SUCLG2: variants seen among roughly 807,000 people sequenced by gnomAD.
The protein encoded by SUCLG2 is succinate-CoA ligase GDP-forming subunit beta, also known as succinate--CoA ligase [GDP-forming] subunit beta, mitochondrial.
A neutral mutation model predicts 47.9 loss-of-function variants in SUCLG2; 42 were observed. The ratio of observed to expected loss-of-function variants is 0.88; its 90% CI spans 0.69 to 1.14. The LOEUF is 1.14. SUCLG2 is among the 50% of genes most tolerant of loss of function. The pLI is 0.00. For synonymous variants in SUCLG2, 195 were observed against 197.3 expected (o/e 0.99, Z 0.10); for missense variants, 571 against 525.9 (o/e 1.09, Z -0.84).
At chr3:67,420,705 T>C (rs1482718029) in intron 9 of SUCLG2, among the ~76,000 whole-genome samples, 3 of 151,740 alleles carry the variant, frequency 2.0e-5, no homozygotes, top group Non-Finnish European at 4.4e-5. Flanking sequence ...AAAACAATCC[T>C]CCATTAGGCA....
chr3:67,648,310 G>A (rs146628161), intron 1 of SUCLG2, among the ~76,000 whole-genome samples: 6 of 152,158 alleles, frequency 3.9e-5, no homozygotes, highest in African/African-American at 1.4e-4. Flanking sequence ...GAGAGAGGAA[G>A]GTGGATAAGA....
At chr3:67,517,993 A>C (rs924385531) in intron 6 of SUCLG2, among the ~76,000 whole-genome samples, 2 of 152,226 alleles carry the variant, frequency 1.3e-5, no homozygotes, top group Non-Finnish European at 2.9e-5. Flanking sequence ...ATTACCATCT[A>C]TCATGAAGTG....
At chr3:67,428,853 G>T (rs1414191241) in intron 9 of SUCLG2, among the ~76,000 whole-genome samples, 3 of 152,154 alleles carry the variant, frequency 2.0e-5, no homozygotes, top group African/African-American at 7.2e-5. Flanking sequence ...GGATATTAGT[G>T]ATTGAAGATC....
At chr3:67,613,240 C>A (rs1352588479) in intron 1 of SUCLG2, among the ~76,000 whole-genome samples, 1 of 152,202 alleles carries the variant, frequency 6.6e-6, no homozygotes, top group East Asian at 1.9e-4. Flanking sequence ...ATGCTATGGG[C>A]TTTCTAGTAA....
At chr3:67,544,248 G>A (rs762516793) in intron 2 of SUCLG2, among the ~76,000 whole-genome samples, 40 of 152,094 alleles carry the variant, frequency 2.6e-4, no homozygotes, top group Non-Finnish European at 4.7e-4. Flanking sequence ...GAAAAAGGAC[G>A]GAAGAACTAT....
intron 9 of SUCLG2, among the ~76,000 whole-genome samples, chr3:67,431,716 C>T (rs923458447): frequency 4.0e-5 from 6 of 148,924 alleles, no homozygotes; most frequent in Non-Finnish European, 8.9e-5. Context: ...CGGTGGGGAA[C>T]ATCACACACC....
At chr3:67,582,638 T>C (rs1485395505) in intron 2 of SUCLG2, among the ~76,000 whole-genome samples, 2 of 152,306 alleles carry the variant, frequency 1.3e-5, no homozygotes, top group African/African-American at 4.8e-5. Context: ...TACCCAATCA[T>C]GGGATTGCTG....
intron 2 of SUCLG2, among the ~76,000 whole-genome samples, chr3:67,595,333 G>C (rs1336053821): frequency 1.3e-5 from 2 of 152,140 alleles, no homozygotes; most frequent in East Asian, 3.9e-4. Flanking sequence ...AAAGGGGGCT[G>C]CTTGCAGTAT....
chr3:67,564,364 T>G (rs778106689), intron 2 of SUCLG2, among the ~76,000 whole-genome samples: 4 of 150,958 alleles, frequency 2.6e-5, no homozygotes, highest in Admixed American at 2.0e-4. Flanking sequence ...CCTCACACTT[T>G]ACCTTGACTT....
At chr3:67,560,056 T>C (rs1707268276) in intron 2 of SUCLG2, among the ~76,000 whole-genome samples, 1 of 152,152 alleles carries the variant, frequency 6.6e-6, no homozygotes, top group Non-Finnish European at 1.5e-5. Context: ...ATCTTTAAAA[T>C]ATATCTATAT....
intron 1 of SUCLG2, among the ~76,000 whole-genome samples, chr3:67,645,267 C>G (rs1261392698): frequency 6.6e-6 from 1 of 151,492 alleles, no homozygotes; most frequent in East Asian, 1.9e-4. Flanking sequence ...TCATAAAAGC[C>G]TCATCATATA....
intron 1 of SUCLG2, among the ~76,000 whole-genome samples, chr3:67,648,348 G>C (rs1362583513): frequency 6.6e-6 from 1 of 152,182 alleles, no homozygotes; most frequent in African/African-American, 2.4e-5. Context: ...ATGCCAAGTT[G>C]ATCAGCACAC....
intron 2 of SUCLG2, among the ~76,000 whole-genome samples, chr3:67,570,626 G>T (rs1346519252): frequency 6.6e-6 from 1 of 152,176 alleles, no homozygotes; most frequent in East Asian, 1.9e-4. Context: ...AATTGATCAT[G>T]CCTATATAGT....
At chr3:67,569,744 C>T (rs1707559529) in intron 2 of SUCLG2, among the ~76,000 whole-genome samples, 1 of 152,154 alleles carries the variant, frequency 6.6e-6, no homozygotes, top group Admixed American at 6.5e-5. Flanking sequence ...ATGTATCACA[C>T]CTAGAGTCTC....
At chr3:67,645,265 GC>G (rs1477713983) in intron 1 of SUCLG2, among the ~76,000 whole-genome samples, 2 of 151,836 alleles carry the variant, frequency 1.3e-5, no homozygotes, top group Non-Finnish European at 2.9e-5. Flanking sequence ...GGTCATAAAA[GC>G]CTCATCATAT....
Position 67,495,945 on chromosome 3 carries a change from G to C in SUCLG2, c.920-5C>G. 1 of 1,613,816 alleles carries C rather than the reference G, an allele frequency of 6.2e-7. No homozygotes were observed. Among genetic ancestry groups the C allele is most frequent in the Non-Finnish European group, 8.5e-7 (1 of 1,179,846 alleles). ...TGGCGAGCCCAGCACCATTCACTGTGAAATGCAAATGGGACACAAGACAGG... is the reference window on the plus strand; with the variant it reads ...TGGCGAGCCCAGCACCATTCACTGTCAAATGCAAATGGGACACAAGACAGG... On this transcript the variant is annotated splice_region_variant and splice_polypyrimidine_tract_variant and intron_variant, in intron 8 of 10. Coordinates refer to ENST00000307227, the MANE Select transcript of SUCLG2 (RefSeq NM_003848.4).
intron 6 of SUCLG2, among the ~76,000 whole-genome samples, chr3:67,517,657 A>G (rs1337089727): frequency 6.6e-6 from 1 of 152,236 alleles, no homozygotes; most frequent in Non-Finnish European, 1.5e-5. Flanking sequence ...GCCAAGGGAT[A>G]TTATTACAAA....
At chr3:67,590,259 ACCTC>A (rs1449035633) in intron 2 of SUCLG2, among the ~76,000 whole-genome samples, 1 of 152,192 alleles carries the variant, frequency 6.6e-6, no homozygotes, top group Non-Finnish European at 1.5e-5. Flanking sequence ...TTTCCCACAT[ACCTC>A]CCTGTGTATT....
At chr3:67,615,476 C>G (rs1474815246) in intron 1 of SUCLG2, among the ~76,000 whole-genome samples, 1 of 152,134 alleles carries the variant, frequency 6.6e-6, no homozygotes, top group East Asian at 1.9e-4. Flanking sequence ...CACACTAGTA[C>G]TGCTCACTTG....
Sources: allele counts gnomAD v4.1 joint callset (sites outside exome capture counted in the v4.1 genomes callset), GRCh38; gene constraint gnomAD v4.1.1; transcripts MANE v1.5; gene names NCBI Gene and HGNC (gene_info 2026-07-23, HGNC 2026-07-21).